ACYP2: variants seen among roughly 807,000 people sequenced by gnomAD.
ACYP2 encodes acylphosphatase 2, also known as acylphosphatase-2.
A neutral mutation model predicts 11.2 loss-of-function variants in ACYP2; 12 were observed. That is an observed-to-expected ratio of 1.08 (90% confidence interval 0.69 to 1.74). The LOEUF (loss-of-function observed/expected upper bound fraction) is 1.74, where lower values mean the gene tolerates loss of function less well. Among genes scored for constraint, ACYP2 ranks in the 40% most tolerant of loss-of-function variants. ACYP2 has a pLI of 0.00. For missense variants in ACYP2, 134 were observed against 101.9 expected (o/e 1.31, Z -1.35); for synonymous variants, 43 against 32.2 (o/e 1.33, Z -1.13).
chr2:53,997,201 A>T (rs1190660988), intron 2 of ACYP2, among the ~76,000 whole-genome samples: 2 of 152,212 alleles, frequency 1.3e-5, no homozygotes, highest in African/African-American at 2.4e-5. Flanking sequence ...TTACTCTCCT[A>T]TAGAAAGTAT....
At chr2:54,060,055 T>C (rs1409993733) in intron 4 of ACYP2, among the ~76,000 whole-genome samples, 1 of 152,240 alleles carries the variant, frequency 6.6e-6, no homozygotes, top group African/African-American at 2.4e-5. Flanking sequence ...TTCATTGGGC[T>C]GAGCACTTAA....
At chr2:54,288,251 T>A (rs1269534468) in intron 6 of ACYP2, among the ~76,000 whole-genome samples, 3 of 151,366 alleles carry the variant, frequency 2.0e-5, no homozygotes, top group Non-Finnish European at 4.4e-5. Context: ...AGAAACAGAC[T>A]GTGTTTCAGC....
intron 2 of ACYP2, chr2:54,029,693 G>A (rs1395362425): frequency 9.4e-6 from 5 of 529,260 alleles, no homozygotes; most frequent in South Asian, 4.7e-5. Flanking sequence ...TAATACCCAC[G>A]TTAATTCTCT....
At chr2:53,992,095 C>T (rs1041796475) in intron 2 of ACYP2, among the ~76,000 whole-genome samples, 2 of 150,402 alleles carry the variant, frequency 1.3e-5, no homozygotes, top group Admixed American at 6.6e-5. Context: ...TTCCTTCCTT[C>T]CTCCTTCCCT....
intron 4 of ACYP2, among the ~76,000 whole-genome samples, chr2:54,100,214 ACTC>A (rs966368578): frequency 6.7e-6 from 1 of 150,338 alleles, no homozygotes; most frequent in African/African-American, 2.5e-5. Context: ...GCCAAAAACT[ACTC>A]TTTTCTTTCC....
At chr2:54,186,569 A>G (rs1198814885) in intron 6 of ACYP2, among the ~76,000 whole-genome samples, 2 of 152,158 alleles carry the variant, frequency 1.3e-5, no homozygotes, top group Admixed American at 6.6e-5. Context: ...GCTGGAGTAC[A>G]ATGGCGTGGT....
chr2:53,986,051 C>T (rs927377554), intron 2 of ACYP2, among the ~76,000 whole-genome samples: 2 of 151,924 alleles, frequency 1.3e-5, no homozygotes, highest in South Asian at 4.1e-4. Context: ...CAGGAGAATC[C>T]TGGAGGCAGA....
At chr2:54,112,249 A>G (rs1002366677) in intron 4 of ACYP2, among the ~76,000 whole-genome samples, 3 of 152,212 alleles carry the variant, frequency 2.0e-5, no homozygotes, top group Non-Finnish European at 4.4e-5. Context: ...AACAGGTTTT[A>G]ATTTCAACCA....
At chr2:54,063,404 C>T (rs867712576) in intron 4 of ACYP2, among the ~76,000 whole-genome samples, 11 of 152,062 alleles carry the variant, frequency 7.2e-5, no homozygotes, top group African/African-American at 2.7e-4. Flanking sequence ...CTTTTAGATC[C>T]ACCCTCCATC....
chr2:54,060,483 G>C (rs973989058), intron 4 of ACYP2, among the ~76,000 whole-genome samples: 2 of 151,784 alleles, frequency 1.3e-5, no homozygotes, highest in African/African-American at 4.8e-5. Context: ...GTTTTGTTTT[G>C]TTCCTTTTAC....
chr2:54,196,558 GCTCCT>G (rs1684489099), intron 6 of ACYP2, among the ~76,000 whole-genome samples: 1 of 152,092 alleles, frequency 6.6e-6, no homozygotes. Flanking sequence ...TATTTATTAA[GCTCCT>G]CTCATCATCA....
At chr2:54,146,586 A>G (rs75577678) in intron 6 of ACYP2, among the ~76,000 whole-genome samples, 3,506 of 150,260 alleles carry the variant, frequency 0.023, 125 homozygotes, top group African/African-American at 0.076. Flanking sequence ...CTGATTTTAA[A>G]CTTTTCTCAC....
chr2:53,990,855 G>A (rs1331741155), intron 2 of ACYP2, among the ~76,000 whole-genome samples: 1 of 151,510 alleles, frequency 6.6e-6, no homozygotes, highest in African/African-American at 2.4e-5. Context: ...GGAGTGCGGT[G>A]GCGCGATCTC....
At chr2:54,023,579 T>C (rs1674114643) in intron 2 of ACYP2, among the ~76,000 whole-genome samples, 1 of 152,226 alleles carries the variant, frequency 6.6e-6, no homozygotes, top group African/African-American at 2.4e-5. Flanking sequence ...TAGTATTGCA[T>C]TGTGACTTGA....
At chr2:54,168,926 A>G (rs1348895438) in intron 6 of ACYP2, among the ~76,000 whole-genome samples, 4 of 152,210 alleles carry the variant, frequency 2.6e-5, no homozygotes, top group African/African-American at 9.6e-5. Flanking sequence ...AAAATAGACA[A>G]CTGAGGTGAA....
intron 6 of ACYP2, among the ~76,000 whole-genome samples, chr2:54,189,130 C>A (rs1033539995): frequency 1.3e-5 from 2 of 152,130 alleles, no homozygotes; most frequent in African/African-American, 2.4e-5. Context: ...TATAGTGAAG[C>A]AAATTAACAT....
intron 2 of ACYP2, among the ~76,000 whole-genome samples, chr2:53,992,045 C>A (rs1672323389): frequency 6.6e-6 from 1 of 151,576 alleles, no homozygotes; most frequent in South Asian, 2.1e-4. Flanking sequence ...CTTCCTCCCT[C>A]CTTCCCTCCC....
intron 6 of ACYP2, among the ~76,000 whole-genome samples, chr2:54,300,409 A>C (rs1484994467): frequency 6.6e-6 from 1 of 152,190 alleles, no homozygotes; most frequent in Non-Finnish European, 1.5e-5. Context: ...TCAGCAGAAG[A>C]AAGTCACCTC....
intron 6 of ACYP2, among the ~76,000 whole-genome samples, chr2:54,250,759 C>T (rs969818376): frequency 6.6e-6 from 1 of 152,092 alleles, no homozygotes; most frequent in Non-Finnish European, 1.5e-5. Flanking sequence ...TTGCTGTATA[C>T]AGAAGTGGAA....
Sources: gnomAD v4.1 joint callset for allele counts (sites outside exome capture counted in the v4.1 genomes callset) on GRCh38, gnomAD v4.1.1 for gene constraint, MANE v1.5 for transcripts, NCBI Gene and HGNC (gene_info 2026-07-23, HGNC 2026-07-21) for gene names.